Variants in RPSA2 observed in about 807,000 individuals in gnomAD.
RPSA2 encodes small ribosomal subunit protein uS2B.
At chr19:23,849,512 G>A in the RPSA2 span, among the ~76,000 whole-genome samples, 1 of 152,194 alleles carries the variant, frequency 6.6e-6, no homozygotes, top group Non-Finnish European at 1.5e-5. Flanking sequence ...CATACTCACA[G>A]CCCGGACATG....
the RPSA2 span, among the ~76,000 whole-genome samples, chr19:23,802,331 C>A: frequency 3.3e-5 from 5 of 152,288 alleles, no homozygotes; most frequent in Non-Finnish European, 5.9e-5. Flanking sequence ...GTGTTATTGT[C>A]CAAAAGCTAG....
At chr19:23,794,497 G>A in the RPSA2 span, among the ~76,000 whole-genome samples, 1 of 152,048 alleles carries the variant, frequency 6.6e-6, no homozygotes, top group Admixed American at 6.6e-5. Context: ...CTTTTGAAAA[G>A]CATCTTTTTC....
chr19:23,795,606 T>C, the RPSA2 span, among the ~76,000 whole-genome samples: 1 of 152,092 alleles, frequency 6.6e-6, no homozygotes, highest in Non-Finnish European at 1.5e-5. Flanking sequence ...CATAGAGTTA[T>C]GTTGTCTGCA....
At chr19:23,820,464 G>A in the RPSA2 span, among the ~76,000 whole-genome samples, 1 of 152,172 alleles carries the variant, frequency 6.6e-6, no homozygotes, top group African/African-American at 2.4e-5. Context: ...CTGGAGGGGA[G>A]ATTGCGGGAG....
At chr19:23,818,655 G>C in the RPSA2 span, 2 of 152,406 alleles carry the variant, frequency 1.3e-5, no homozygotes, top group East Asian at 3.9e-4. Flanking sequence ...CATGTAAATA[G>C]GGGTGCGGTA....
chr19:23,870,706 C>T, the RPSA2 span, among the ~76,000 whole-genome samples: 1 of 152,114 alleles, frequency 6.6e-6, no homozygotes, highest in Non-Finnish European at 1.5e-5. Flanking sequence ...CTGCTCATAG[C>T]CTGTAAAATC....
the RPSA2 span, among the ~76,000 whole-genome samples, chr19:23,803,094 A>AC: frequency 9.1e-5 from 1 of 10,988 alleles, no homozygotes; most frequent in Non-Finnish European, 3.2e-4. Context: ...TCTGAGATTT[A>AC]ATTTTTTTTT....
the RPSA2 span, among the ~76,000 whole-genome samples, chr19:23,834,427 T>C: frequency 3.3e-5 from 5 of 152,128 alleles, no homozygotes; most frequent in South Asian, 1.0e-3. Context: ...TATGACCTTT[T>C]CTATGGAAAG....
chr19:23,778,538 G>T, the RPSA2 span, among the ~76,000 whole-genome samples: 3,232 of 152,166 alleles, frequency 0.021, 58 homozygotes, highest in Non-Finnish European at 0.035. Context: ...CCAGGGCTTT[G>T]CCAATAGTAG....
chr19:23,788,522 T>C, the RPSA2 span, among the ~76,000 whole-genome samples: 1 of 152,156 alleles, frequency 6.6e-6, no homozygotes, highest in African/African-American at 2.4e-5. Context: ...TTGTGACATA[T>C]AGCTGGGTCT....
the RPSA2 span, among the ~76,000 whole-genome samples, chr19:23,760,481 TATAA>T: frequency 6.6e-6 from 1 of 151,952 alleles, no homozygotes; most frequent in Non-Finnish European, 1.5e-5. Flanking sequence ...TTGTGCAAAG[TATAA>T]ATAGTGTGAG....
chr19:23,807,896 A>T, the RPSA2 span: 1 of 376,450 alleles, frequency 2.7e-6, no homozygotes, highest in South Asian at 2.6e-5. Context: ...GACACTGCAC[A>T]GCAGAATTTA....
At chr19:23,761,043 T>C in the RPSA2 span, among the ~76,000 whole-genome samples, 2 of 4,146 alleles carry the variant, frequency 4.8e-4, no homozygotes, top group African/African-American at 5.1e-4. Context: ...ATATATAGGG[T>C]ATATATGTGT....
chr19:23,813,183 A>G, the RPSA2 span, among the ~76,000 whole-genome samples: 1 of 150,220 alleles, frequency 6.7e-6, no homozygotes, highest in South Asian at 2.1e-4. Context: ...GCAGTGAGCC[A>G]TAATTGTGCC....
the RPSA2 span, among the ~76,000 whole-genome samples, chr19:23,769,182 C>T: frequency 1.3e-5 from 2 of 152,206 alleles, no homozygotes; most frequent in Admixed American, 1.3e-4. Context: ...TGGCCAAGCA[C>T]CTACGTGATA....
At chr19:23,761,927 T>TCCTTCCTTCCTCCCTTCCTTCCTTCC in the RPSA2 span, among the ~76,000 whole-genome samples, 1 of 62,356 alleles carries the variant, frequency 1.6e-5, no homozygotes. Flanking sequence ...TTTCTTTTTT[T>TCCTTCCTTCCTCCCTTCCTTCCTTCC]TTTTTTTTGA....
At chr19:23,840,904 G>A in the RPSA2 span, among the ~76,000 whole-genome samples, 1 of 149,662 alleles carries the variant, frequency 6.7e-6, no homozygotes, top group African/African-American at 2.5e-5. Flanking sequence ...AGAGGTTGCG[G>A]TGAGCCAAGA....
the RPSA2 span, among the ~76,000 whole-genome samples, chr19:23,837,424 C>A: frequency 1.3e-5 from 2 of 151,916 alleles, no homozygotes; most frequent in African/African-American, 4.8e-5. Context: ...CAGATTTGTT[C>A]TTTTTTCTTA....
At chr19:23,766,142 CCTTTTTTTTTTTTT>C in the RPSA2 span, among the ~76,000 whole-genome samples, 221 of 43,288 alleles carry the variant, frequency 5.1e-3, 1 homozygote, top group Middle Eastern at 8.2e-3. Context: ...TATTTCATTT[CCTTTTTTTTTTTTT>C]TTTTTTTTTT....
Sources: allele counts gnomAD v4.1 joint callset (sites outside exome capture counted in the v4.1 genomes callset), GRCh38; gene constraint gnomAD v4.1.1; transcripts MANE v1.5; gene names NCBI Gene and HGNC (gene_info 2026-07-23, HGNC 2026-07-21).